SLC4A4: variants seen among roughly 807,000 people sequenced by gnomAD.
SLC4A4 encodes electrogenic sodium bicarbonate cotransporter 1.
A neutral mutation model predicts 111.5 loss-of-function variants in SLC4A4; 27 were observed. The ratio of observed to expected loss-of-function variants is 0.24; its 90% CI spans 0.18 to 0.33. The LOEUF is 0.33. Ranked by LOEUF, SLC4A4 falls within the 10% of genes least tolerant of loss-of-function variation. The pLI is 1.00. For synonymous variants in SLC4A4, 443 were observed against 463.4 expected (o/e 0.96, Z 0.57); for missense variants, 909 against 1,315.5 (o/e 0.69, Z 4.78).
rs1158928084 is a variant in SLC4A4, at chr4:71,150,731, C to T, written c.-2+57939C>T. On this transcript the variant is annotated intron_variant, in intron 2 of 26. Coordinates refer to the SLC4A4 transcript ENST00000649996. ...GGTGAGAGCGCTTGGGATTTGTGAC[C>T]CGAATTCACCTTTGGCAGCTTGCGG... Among the ~76,000 whole-genome samples, 4 of 152,086 alleles carry T rather than the reference C, an allele frequency of 2.6e-5. No homozygotes were observed. The East Asian group carries it at 7.7e-4, about 29-fold the overall frequency.
At chr4:71,526,114 G>C (rs1374513526) in intron 16 of SLC4A4, among the ~76,000 whole-genome samples, 2 of 151,956 alleles carry the variant, frequency 1.3e-5, no homozygotes, top group South Asian at 2.1e-4. Flanking sequence ...TTTTAGTATA[G>C]AGTAAGACAT....
chr4:71,331,279 C>T (rs1727961785), intron 3 of SLC4A4, among the ~76,000 whole-genome samples: 1 of 152,156 alleles, frequency 6.6e-6, no homozygotes, highest in Non-Finnish European at 1.5e-5. Context: ...GACACATGCA[C>T]ACGTATGTTT....
intron 2 of SLC4A4, among the ~76,000 whole-genome samples, chr4:71,137,798 C>T (rs1353939351): frequency 6.6e-6 from 1 of 152,124 alleles, no homozygotes. Context: ...TCAAGGAAAA[C>T]GTTTTTTTCG....
At chr4:71,123,348 A>C (rs989512990) in intron 2 of SLC4A4, among the ~76,000 whole-genome samples, 14 of 152,346 alleles carry the variant, frequency 9.2e-5, no homozygotes, top group African/African-American at 2.2e-4. Flanking sequence ...TCCAAAGAGA[A>C]AATGTAGATT....
chr4:71,468,646 T>C (rs999102322), intron 13 of SLC4A4, among the ~76,000 whole-genome samples: 1 of 151,794 alleles, frequency 6.6e-6, no homozygotes, highest in African/African-American at 2.4e-5. Context: ...GCAGCAGTGA[T>C]AATCTTCTGT....
intron 2 of SLC4A4, among the ~76,000 whole-genome samples, chr4:71,163,396 T>C (rs911939032): frequency 7.2e-5 from 11 of 152,198 alleles, no homozygotes; most frequent in African/African-American, 2.7e-4. Context: ...TTTCTATACT[T>C]CCCTTTAACT....
chr4:71,154,331 A>C (rs1744401536), intron 2 of SLC4A4, among the ~76,000 whole-genome samples: 1 of 152,190 alleles, frequency 6.6e-6, no homozygotes, highest in African/African-American at 2.4e-5. Flanking sequence ...GCTGTGATGA[A>C]GGAACTTGGT....
intron 1 of SLC4A4, among the ~76,000 whole-genome samples, chr4:71,214,944 T>A (rs1156453486): frequency 6.6e-6 from 1 of 152,246 alleles, no homozygotes; most frequent in African/African-American, 2.4e-5. Context: ...TACTGGCAAC[T>A]TGGGTTATGA....
chr4:71,443,005 A>G (rs1724866074), intron 8 of SLC4A4, among the ~76,000 whole-genome samples: 2 of 149,720 alleles, frequency 1.3e-5, no homozygotes, highest in South Asian at 4.3e-4. Flanking sequence ...GTTACTGGAT[A>G]GGATATGTTT....
intron 6 of SLC4A4, among the ~76,000 whole-genome samples, chr4:71,363,917 T>C (rs1731022766): frequency 6.6e-6 from 1 of 152,230 alleles, no homozygotes; most frequent in Non-Finnish European, 1.5e-5. Context: ...TTATGGCTAT[T>C]GTTATTATGG....
At chr4:71,127,665 A>G (rs991665219) in intron 2 of SLC4A4, among the ~76,000 whole-genome samples, 17 of 152,310 alleles carry the variant, frequency 1.1e-4, no homozygotes, top group Middle Eastern at 3.4e-3. Context: ...AATAATTTTT[A>G]TTTCACTTTT....
chr4:71,069,865 AT>A (rs1741620979), intron 1 of SLC4A4, among the ~76,000 whole-genome samples: 1 of 152,078 alleles, frequency 6.6e-6, no homozygotes, highest in East Asian at 1.9e-4. Context: ...ACAGCATTTA[AT>A]TTTCTTAATG....
chr4:71,541,605 T>C (rs979608390), intron 18 of SLC4A4, among the ~76,000 whole-genome samples: 6 of 152,104 alleles, frequency 3.9e-5, no homozygotes, highest in Non-Finnish European at 8.8e-5. Flanking sequence ...TTGCTCGGCC[T>C]TCTCAGCTGC....
chr4:71,281,203 G>A (rs553074044), intron 3 of SLC4A4, among the ~76,000 whole-genome samples: 2 of 152,308 alleles, frequency 1.3e-5, no homozygotes, highest in African/African-American at 4.8e-5. Context: ...GCAGATGCTA[G>A]ACGTTGTGTT....
At chr4:71,359,674 T>C (rs1370570652) in intron 6 of SLC4A4, among the ~76,000 whole-genome samples, 1 of 152,208 alleles carries the variant, frequency 6.6e-6, no homozygotes, top group African/African-American at 2.4e-5. Context: ...CTAAAATTTC[T>C]AATAAATGGA....
chr4:71,109,239 T>C (rs958395900), intron 2 of SLC4A4, among the ~76,000 whole-genome samples: 6 of 152,180 alleles, frequency 3.9e-5, no homozygotes, highest in African/African-American at 1.4e-4. Flanking sequence ...CATCTTTTCC[T>C]GGGCATTCAT....
intron 3 of SLC4A4, among the ~76,000 whole-genome samples, chr4:71,325,208 A>G (rs571976976): frequency 3.4e-4 from 52 of 151,864 alleles, no homozygotes; most frequent in Non-Finnish European, 4.1e-4. Context: ...AAATCTAGGT[A>G]ACTTGTACAC....
intron 2 of SLC4A4, among the ~76,000 whole-genome samples, chr4:71,150,551 A>C (rs1744287559): frequency 6.6e-6 from 1 of 152,160 alleles, no homozygotes; most frequent in Non-Finnish European, 1.5e-5. Flanking sequence ...TGGAAATGTG[A>C]ATTTAGTTTG....
intron 6 of SLC4A4, among the ~76,000 whole-genome samples, chr4:71,362,837 G>T (rs1730914141): frequency 6.6e-6 from 1 of 152,130 alleles, no homozygotes; most frequent in African/African-American, 2.4e-5. Flanking sequence ...AGAGCGGCTG[G>T]CTCCTAGGCT....
Sources: gnomAD v4.1 joint callset for allele counts (sites outside exome capture counted in the v4.1 genomes callset) on GRCh38, gnomAD v4.1.1 for gene constraint, MANE v1.5 for transcripts, NCBI Gene and HGNC (gene_info 2026-07-23, HGNC 2026-07-21) for gene names.